ARHGEF7: variants seen among roughly 807,000 people sequenced by gnomAD.
The protein encoded by ARHGEF7 is PAK-interacting exchange factor beta.
In ARHGEF7, 33 loss-of-function variants were observed where a neutral mutation model predicts 109.8. The ratio of observed to expected loss-of-function variants is 0.30; its 90% confidence interval spans 0.23 to 0.40. The LOEUF (loss-of-function observed/expected upper bound fraction) is 0.40. Ranked by LOEUF, ARHGEF7 falls within the 10% of genes least tolerant of loss-of-function variation. The probability of loss-of-function intolerance (pLI) is 1.00; values close to 1 mark genes in which losing one functional copy is unlikely to be tolerated. For missense variants in ARHGEF7, 938 were observed against 1,098.5 expected, an observed-to-expected ratio of 0.85 and a Z score of 2.07; for synonymous variants, 458 against 424.6, an observed-to-expected ratio of 1.08 and a Z score of -0.97.
intron 2 of ARHGEF7, among the ~76,000 whole-genome samples, chr13:111,171,598 A>G (rs1468593940): frequency 1.3e-5 from 2 of 152,312 alleles, no homozygotes; most frequent in Admixed American, 1.3e-4. Context: ...AGCAATTTTT[A>G]TGTGATGGAG....
chr13:111,245,118 T>A (rs1595123813), intron 8 of ARHGEF7, among the ~76,000 whole-genome samples: 1 of 152,180 alleles, frequency 6.6e-6, no homozygotes, highest in Admixed American at 6.6e-5. Flanking sequence ...GCCCTTCCTG[T>A]TGACCAATGC....
intron 1 of ARHGEF7, among the ~76,000 whole-genome samples, chr13:111,125,164 G>C (rs921724997): frequency 3.9e-5 from 6 of 152,054 alleles, no homozygotes; most frequent in Non-Finnish European, 5.9e-5. Context: ...TAATTTTACT[G>C]TACTGCTTTG....
At chr13:111,294,584 T>A in intron 19 of ARHGEF7, 1 of 985,492 alleles carries the variant, frequency 1.0e-6, no homozygotes. Context: ...TCTTTGCATT[T>A]GTTTTGAATG....
intron 9 of ARHGEF7, among the ~76,000 whole-genome samples, chr13:111,270,416 ACTT>A (rs905556450): frequency 1.3e-3 from 195 of 149,980 alleles, no homozygotes; most frequent in African/African-American, 4.5e-3. Context: ...TTATGGCACT[ACTT>A]TTTTTTTTTT....
rs1213710846 is a variant in ARHGEF7 at position 111,228,117 on chromosome 13, GTGCTCTC to G, written c.671-5079_671-5073del. The stretch of plus-strand genomic sequence containing the variant: ...GCACATGAGGTAAGCGTGCAGGTCT[GTGCTCTC>G]TGCTCTCTACTGGCATCCAAAAAAG... On this transcript the variant is annotated intron_variant, in intron 5 of 21. Transcript: ENST00000646102. This position sits in a 1 kb window ranked among gnomAD's most constrained non-coding sequence, Gnocchi z 4.6. 6.6e-6 allele frequency among the ~76,000 whole-genome samples: 1 copy of G among 152,196 alleles called. No individual in the cohort carries two copies. Among genetic ancestry groups the G allele is most frequent in the Non-Finnish European group, 1.5e-5 (1 of 68,036 alleles).
rs374524366 is a variant in ARHGEF7 at position 111,131,671 on chromosome 13, G to A, written c.165+15980G>A. 2.0e-5 allele frequency among the ~76,000 whole-genome samples: 3 copies of A among 152,168 alleles called. No individual in the cohort carries two copies. The highest frequency in any genetic ancestry group is 1.3e-4 in the Admixed American group (2 of 15,286). On this transcript the variant is annotated intron_variant, in intron 1 of 21. Coordinates refer to ENST00000646102, the MANE Select transcript of ARHGEF7 (RefSeq NM_001354046.2). This position sits in a 1 kb window ranked among gnomAD's most constrained non-coding sequence, Gnocchi z 4.4. ...GGGTGGTCAGAGGCCATTAGGAGAC[G>A]GGCAGTGACCTGAGGTCAGGGGACG...
chr13:111,185,961 C>CGTGTGTGTGT (rs71127998), intron 2 of ARHGEF7, among the ~76,000 whole-genome samples: 10,351 of 135,706 alleles, frequency 0.076, 560 homozygotes, highest in Non-Finnish European at 0.11. Flanking sequence ...TTTGGGAGCT[C>CGTGTGTGTGT]GTGTGTGTGT....
At position 111,176,060 on chromosome 13, in the gene ARHGEF7, G is replaced by A. The variant is rs143324268; in HGVS notation, c.252+22069G>A. ...CTCCCACTGGGCCCTCCCATGACAC[G>A]CAGGGTTTCTGGAAGTAGAAGTCAA... On this transcript the variant is annotated intron_variant, in intron 2 of 21. Transcript: ENST00000646102. Among the ~76,000 whole-genome samples the A allele has an allele frequency of 4.0e-3, 605 of 152,232 alleles. 1 individual carries two copies. The highest frequency in any genetic ancestry group is 0.014 in the African/African-American group (573 of 41,534).
chr13:111,257,954 T>C (rs1443529896), intron 8 of ARHGEF7, among the ~76,000 whole-genome samples: 4 of 152,234 alleles, frequency 2.6e-5, no homozygotes, highest in Admixed American at 2.6e-4. Flanking sequence ...TGGGCTAAAA[T>C]GACCTGGGGT....
chr13:111,271,681 G>A lies in ARHGEF7; in HGVS notation c.1074-2133G>A, dbSNP rs569986507. 4.3e-4 allele frequency among the ~76,000 whole-genome samples: 65 copies of A among 152,258 alleles called. 1 individual carries two copies. Among genetic ancestry groups the A allele is most frequent in the African/African-American group, 1.5e-3 (61 of 41,544 alleles). ...AGACAGACACCACGTACACACACTCGGAAGTACTCTTGACAGTCTCTGTGC... is the reference window on the plus strand; with the variant it reads ...AGACAGACACCACGTACACACACTCAGAAGTACTCTTGACAGTCTCTGTGC... On this transcript the variant is annotated intron_variant, in intron 9 of 21. Coordinates refer to ENST00000646102, the MANE Select transcript of ARHGEF7 (RefSeq NM_001354046.2).
chr13:111,278,714 A>G (rs2153603751), intron 13 of ARHGEF7, among the ~76,000 whole-genome samples: 1 of 152,334 alleles, frequency 6.6e-6, no homozygotes, highest in Middle Eastern at 3.4e-3. Flanking sequence ...TCTGTGTTAA[A>G]TGACCTTGAT....
chr13:111,258,683 G>T lies in ARHGEF7; in HGVS notation c.951-8865G>T, dbSNP rs1265541114. Among the ~76,000 whole-genome samples, 2 of 151,728 alleles carry T rather than the reference G, an allele frequency of 1.3e-5. No homozygotes were observed. The highest frequency in any genetic ancestry group is 2.4e-5 in the African/African-American group (1 of 41,006). On this transcript the variant is annotated intron_variant, in intron 8 of 21. Coordinates refer to ENST00000646102, the MANE Select transcript of ARHGEF7 (RefSeq NM_001354046.2). This position sits in a 1 kb window ranked among gnomAD's most constrained non-coding sequence, Gnocchi z 4.4. The stretch of plus-strand genomic sequence containing the variant: ...TTCCCAGCTGTGGTGGCTACAGGGA[G>T]GGACTCCTGCTTGAGAAAAGGAGAG...
At chr13:111,196,461 C>G (rs778246125) in intron 2 of ARHGEF7, among the ~76,000 whole-genome samples, 1 of 152,168 alleles carries the variant, frequency 6.6e-6, no homozygotes, top group African/African-American at 2.4e-5. Flanking sequence ...CAAGTGAGAT[C>G]GAAGGTTTGC....
intron 8 of ARHGEF7, among the ~76,000 whole-genome samples, chr13:111,257,934 C>T (rs1379930674): frequency 6.6e-6 from 1 of 152,212 alleles, no homozygotes; most frequent in Non-Finnish European, 1.5e-5. Context: ...TCTGGCAGGC[C>T]CCGCCACTGT....
Position 111,153,937 on chromosome 13 carries a change from C to T in ARHGEF7, c.198C>T (p.Cys66=), listed in dbSNP as rs1466508125. 3.1e-6 allele frequency: 5 copies of T among 1,605,844 alleles called. No individual in the cohort carries two copies. Among genetic ancestry groups the T allele is most frequent in the Non-Finnish European group, 4.2e-6 (5 of 1,177,412 alleles). The part of the protein sequence containing the change: ...VYPEPRSESE[C]LSNIREFLRG... ...CCGAGCCCCGGAGCGAGAGCGAGTG[C>T]CTGAGCAACATCCGCGAGTTCCTGC... The change falls in exon 2 of 22, where the codon TGC becomes TGT. Residue 66 remains cysteine, a synonymous_variant. Coordinates refer to ENST00000646102, the MANE Select transcript of ARHGEF7 (RefSeq NM_001354046.2).
At chr13:111,186,369 T>C (rs1473751890) in intron 2 of ARHGEF7, among the ~76,000 whole-genome samples, 1 of 151,388 alleles carries the variant, frequency 6.6e-6, no homozygotes, top group Non-Finnish European at 1.5e-5. Context: ...TAAGATTTGA[T>C]TTTCATTTTA....
intron 5 of ARHGEF7, among the ~76,000 whole-genome samples, chr13:111,232,541 T>A (rs2086235335): frequency 6.6e-6 from 1 of 152,210 alleles, no homozygotes; most frequent in South Asian, 2.1e-4. Context: ...CTTCAGCACC[T>A]GTTATGCAGA....
chr13:111,297,774 T>C (rs936475914), intron 19 of ARHGEF7, among the ~76,000 whole-genome samples: 1 of 152,234 alleles, frequency 6.6e-6, no homozygotes, highest in South Asian at 2.1e-4. Context: ...ACCCATTTCT[T>C]TACAAAGTTG....
At chr13:111,299,405 C>G (rs2093506856) in intron 19 of ARHGEF7, among the ~76,000 whole-genome samples, 1 of 136,118 alleles carries the variant, frequency 7.3e-6, no homozygotes, top group East Asian at 2.3e-4. Context: ...TGCAGTGGTG[C>G]AATCTCGGCT....
Sources: allele counts gnomAD v4.1 joint callset (sites outside exome capture counted in the v4.1 genomes callset), GRCh38; gene constraint gnomAD v4.1.1; non-coding constraint Gnocchi (gnomAD v3.1); transcripts MANE v1.5; gene names NCBI Gene and HGNC (gene_info 2026-07-23, HGNC 2026-07-21).